The following LRIG1 variants were observed in gnomAD, a reference collection of about 807,000 sequenced individuals.
The protein encoded by LRIG1 is leucine-rich repeats and immunoglobulin-like domains protein 1.
LRIG1 carries 48 observed loss-of-function variants against 99.2 expected under a neutral mutation model. That is an observed-to-expected ratio of 0.48 (90% confidence interval 0.38 to 0.62). The LOEUF (loss-of-function observed/expected upper bound fraction) is 0.62. LRIG1 is among the 20% of genes least tolerant of loss of function. The pLI is 0.00. For synonymous variants in LRIG1, 772 were observed against 596.1 expected (o/e 1.29, Z -4.30); for missense variants, 1,646 against 1,434.4 (o/e 1.15, Z -2.38).
chr3:66,428,399 G>A (rs763106035), intron 3 of LRIG1, among the ~76,000 whole-genome samples: 1 of 151,982 alleles, frequency 6.6e-6, no homozygotes, highest in Non-Finnish European at 1.5e-5. Context: ...TGGGGCCACC[G>A]AACATGGCCA....
At chr3:66,425,746 A>G (rs1027142695) in intron 3 of LRIG1, among the ~76,000 whole-genome samples, 4 of 152,228 alleles carry the variant, frequency 2.6e-5, no homozygotes, top group Non-Finnish European at 4.4e-5. Context: ...ATTCGCCTCC[A>G]TCCACAGTGT....
chr3:66,385,877 T>C (rs531149997), intron 13 of LRIG1, 104 bp downstream of exon 13: 7 of 1,047,402 alleles, frequency 6.7e-6, no homozygotes, highest in Non-Finnish European at 1.0e-5. Flanking sequence ...CACAGAAGCA[T>C]GTGTGTGTCC....
At chr3:66,430,363 G>A (rs760660109) in intron 3 of LRIG1, among the ~76,000 whole-genome samples, 1 of 152,188 alleles carries the variant, frequency 6.6e-6, no homozygotes, top group Admixed American at 6.5e-5. Context: ...AGCACGGGGT[G>A]GGGGTTACTT....
intron 3 of LRIG1, among the ~76,000 whole-genome samples, chr3:66,444,489 G>A (rs528548708): frequency 9.5e-4 from 144 of 151,244 alleles, no homozygotes; most frequent in African/African-American, 3.3e-3. Flanking sequence ...GTCCCCCAAG[G>A]CCTAAACAGC....
rs1223885188 is a variant in LRIG1, at chr3:66,488,464, T to TAAA, written c.218+11723_218+11725dup. ...CAACATGGTAAAACCCTGTCTCTACTAAAAAAAAACAAAAAAAAAAAAATT... is the reference window on the plus strand; with the variant it reads ...CAACATGGTAAAACCCTGTCTCTACTAAAAAAAAAAAACAAAAAAAAAAAAATT... On this transcript the variant is annotated intron_variant, in intron 1 of 18. Transcript: ENST00000273261. Among the ~76,000 whole-genome samples the TAAA allele has an allele frequency of 7.9e-5, 8 of 101,454 alleles. No individual in the cohort carries two copies. The East Asian group carries it at 1.1e-3, about 13-fold the overall frequency. 66.6% of individuals were successfully genotyped at this position (101,454 alleles called of 152,430 possible). A position where few individuals can be genotyped will look rare whatever the true frequency, so the allele number is the denominator to read the frequency against.
chr3:66,451,371 C>T (rs184433940), intron 3 of LRIG1, among the ~76,000 whole-genome samples, 188 bp downstream of exon 3: 4 of 151,904 alleles, frequency 2.6e-5, no homozygotes, highest in East Asian at 1.9e-4. Context: ...AAACTTCCAG[C>T]GTTTAATTCT....
chr3:66,394,386 T>C (rs952038212), intron 11 of LRIG1, among the ~76,000 whole-genome samples, 183 bp from the exon 12 acceptor site: 1 of 152,186 alleles, frequency 6.6e-6, no homozygotes, highest in Non-Finnish European at 1.5e-5. Flanking sequence ...ATAACCCACC[T>C]GGAGATTTTG....
chr3:66,476,568 A>G (rs1336007431), intron 1 of LRIG1, among the ~76,000 whole-genome samples: 1 of 152,132 alleles, frequency 6.6e-6, no homozygotes, highest in Non-Finnish European at 1.5e-5. Context: ...CCTTTTTCCA[A>G]GATGCCACAC....
At chr3:66,449,779 C>G (rs539383970) in intron 3 of LRIG1, among the ~76,000 whole-genome samples, 4 of 152,182 alleles carry the variant, frequency 2.6e-5, no homozygotes, top group Non-Finnish European at 5.9e-5. Flanking sequence ...TCTGACAACA[C>G]AGAGATATTC....
At chr3:66,441,516 G>A (rs575080316) in intron 3 of LRIG1, among the ~76,000 whole-genome samples, 1 of 152,144 alleles carries the variant, frequency 6.6e-6, no homozygotes, top group South Asian at 2.1e-4. Context: ...CTGTTACTTC[G>A]CATCAGTGAA....
intron 6 of LRIG1, among the ~76,000 whole-genome samples, chr3:66,412,581 A>AGG (rs1320721832): frequency 6.6e-6 from 1 of 152,224 alleles, no homozygotes; most frequent in Admixed American, 6.5e-5. Flanking sequence ...TGCAAAGGGA[A>AGG]GGGGGCTGGG....
At chr3:66,400,572 C>T (rs954423232) in intron 9 of LRIG1, among the ~76,000 whole-genome samples, 1 of 152,180 alleles carries the variant, frequency 6.6e-6, no homozygotes, top group Non-Finnish European at 1.5e-5. Context: ...CTGGAGAAAG[C>T]CCATCTGGCC....
At chr3:66,382,156 C>T (rs1168774441) in intron 16 of LRIG1, 117 bp downstream of exon 16, 1 of 1,198,168 alleles carries the variant, frequency 8.3e-7, no homozygotes, top group Non-Finnish European at 1.2e-6. Flanking sequence ...CCTTCTACTT[C>T]ACCAAGTTTG....
chr3:66,445,274 GT>G (rs112630334), intron 3 of LRIG1, among the ~76,000 whole-genome samples: 230 of 145,942 alleles, frequency 1.6e-3, no homozygotes, highest in Middle Eastern at 7.0e-3. Context: ...TAAAAGTAAG[GT>G]TTTTTTTTTT....
intron 1 of LRIG1, among the ~76,000 whole-genome samples, chr3:66,482,712 A>G (rs1700878841): frequency 6.6e-6 from 1 of 152,230 alleles, no homozygotes; most frequent in Non-Finnish European, 1.5e-5. Context: ...AAAGCTTAGG[A>G]AAAAGCCTAA....
At chr3:66,405,172 C>T (rs772544315) in intron 9 of LRIG1, 26 bp downstream of exon 9, 50 of 1,608,190 alleles carry the variant, frequency 3.1e-5, no homozygotes, top group East Asian at 1.3e-4. Flanking sequence ...CATTTGCCGG[C>T]GGAGCTCCGT....
intron 5 of LRIG1, among the ~76,000 whole-genome samples, chr3:66,414,096 G>C (rs1239946235): frequency 6.6e-6 from 1 of 151,978 alleles, no homozygotes; most frequent in Non-Finnish European, 1.5e-5. Context: ...CAATTAAATT[G>C]TTTACAAAAA....
At chr3:66,460,619 C>T (rs917039188) in intron 2 of LRIG1, among the ~76,000 whole-genome samples, 13 of 152,204 alleles carry the variant, frequency 8.5e-5, no homozygotes, top group African/African-American at 2.7e-4. Context: ...TCGGAAGAAA[C>T]CAAACCTGCC....
Position 66,379,117 on chromosome 3 carries a change from A to G in LRIG1, c.*1146T>C, listed in dbSNP as rs1314033815. ...AGCTTTTGGCCAAAGGAACATTTGA[A>G]GGACCTTGTTTCTATTTAAGTTTTA... On this transcript the variant is annotated 3_prime_UTR_variant, in exon 19 of 19. Coordinates refer to ENST00000273261, the MANE Select transcript of LRIG1 (RefSeq NM_015541.3). The G allele has an allele frequency of 2.0e-5, 3 of 152,642 alleles. No individual in the cohort carries two copies. The highest frequency in any genetic ancestry group is 7.2e-5 in the African/African-American group (3 of 41,442). 9.5% of individuals were successfully genotyped at this position (152,642 alleles called of 1,614,324 possible).
Sources: allele counts gnomAD v4.1 joint callset (sites outside exome capture counted in the v4.1 genomes callset), GRCh38; gene constraint gnomAD v4.1.1; transcripts MANE v1.5; gene names NCBI Gene and HGNC (gene_info 2026-07-23, HGNC 2026-07-21).